The following CDH4 variants were observed in gnomAD, a reference collection of about 807,000 sequenced individuals.
CDH4 encodes cadherin-4.
CDH4 carries 33 observed loss-of-function variants against 86.0 expected under a neutral mutation model. The ratio of observed to expected loss-of-function variants is 0.38; its 90% CI spans 0.29 to 0.51. The LOEUF (loss-of-function observed/expected upper bound fraction) is 0.51, where lower values mean the gene tolerates loss of function less well. CDH4 is among the 20% of genes least tolerant of loss of function. CDH4 has a pLI of 0.86. For synonymous variants in CDH4, 555 were observed against 549.4 expected (o/e 1.01, Z -0.14); for missense variants, 1,114 against 1,307.4 (o/e 0.85, Z 2.28).
At chr20:61,523,879 C>G (rs993668625) in intron 2 of CDH4, among the ~76,000 whole-genome samples, 2 of 152,196 alleles carry the variant, frequency 1.3e-5, no homozygotes, top group Non-Finnish European at 2.9e-5. Flanking sequence ...TTAAAAATGG[C>G]TAAACAGTTT....
rs141987269 is a variant in CDH4 at position 61,321,640 on chromosome 20, G to C, written c.169+66703G>C. Among the ~76,000 whole-genome samples the C allele has an allele frequency of 6.0e-3, 909 of 152,258 alleles. 6 individuals carry two copies. Among genetic ancestry groups the C allele is most frequent in the African/African-American group, 0.021 (859 of 41,544 alleles). ...CGGTGAGCGGAGGACTTCCGGCTTC[G>C]TCAAATTCAGCCGTTGCCACTATTT... On this transcript the variant is annotated intron_variant, in intron 2 of 15. Coordinates refer to ENST00000614565, the MANE Select transcript of CDH4 (RefSeq NM_001794.5).
intron 2 of CDH4, among the ~76,000 whole-genome samples, chr20:61,499,162 A>G (rs2085682783): frequency 6.6e-6 from 1 of 152,212 alleles, no homozygotes; most frequent in Admixed American, 6.5e-5. Flanking sequence ...TGTGGAGGTC[A>G]GGCTGCCTGT....
In CDH4 at chr20:61,832,713, C is replaced by A. The variant is rs530326452; in HGVS notation, c.577-11955C>A. On this transcript the variant is annotated intron_variant, in intron 4 of 15. Coordinates refer to ENST00000614565, the MANE Select transcript of CDH4 (RefSeq NM_001794.5). Reference sequence around the variant, plus strand: ...ACTGCCCCCATGATCCATTCATCTCCCACCAGGTCTCCCTCTCAACACCTG... The same window carrying A: ...ACTGCCCCCATGATCCATTCATCTCACACCAGGTCTCCCTCTCAACACCTG... Among the ~76,000 whole-genome samples the A allele has an allele frequency of 3.5e-4, 53 of 152,198 alleles. 1 individual carries two copies. In the South Asian group the frequency reaches 0.011, roughly 31 times the overall value.
intron 3 of CDH4, among the ~76,000 whole-genome samples, chr20:61,760,503 C>A (rs558862692): frequency 1.3e-5 from 2 of 152,370 alleles, no homozygotes; most frequent in African/African-American, 4.8e-5. Context: ...TTCCAACTGG[C>A]CTCCAGAGGA....
chr20:61,381,670 C>A (rs6061583), intron 2 of CDH4, among the ~76,000 whole-genome samples: 37,432 of 151,934 alleles, frequency 0.25, 4,997 homozygotes, highest in African/African-American at 0.34. Context: ...CAGTTAACCC[C>A]CCCACCTAAG....
chr20:61,441,112 G>A (rs1261414400), intron 2 of CDH4, among the ~76,000 whole-genome samples: 2 of 152,162 alleles, frequency 1.3e-5, no homozygotes, highest in African/African-American at 2.4e-5. Flanking sequence ...AGTTCCAAGC[G>A]TGTGCTATGT....
intron 2 of CDH4, chr20:61,370,760 A>C (rs1192939611): frequency 6.6e-6 from 1 of 152,220 alleles, no homozygotes; most frequent in African/African-American, 2.4e-5. Context: ...TTGGATATTA[A>C]GCTTTTTAAT....
At chr20:61,497,917 T>G (rs1010737602) in intron 2 of CDH4, among the ~76,000 whole-genome samples, 10 of 151,928 alleles carry the variant, frequency 6.6e-5, no homozygotes, top group Admixed American at 2.6e-4. Context: ...GGGACATGGA[T>G]GAAGCTGGAA....
At chr20:61,917,289 C>T (rs2054913189) in intron 9 of CDH4, among the ~76,000 whole-genome samples, 1 of 152,244 alleles carries the variant, frequency 6.6e-6, no homozygotes, top group Non-Finnish European at 1.5e-5. Flanking sequence ...ATCATACCCT[C>T]CTCAGGGCCC....
intron 6 of CDH4, among the ~76,000 whole-genome samples, chr20:61,860,234 T>C (rs1266331565): frequency 6.6e-6 from 1 of 152,200 alleles, no homozygotes; most frequent in Non-Finnish European, 1.5e-5. Context: ...CTCAAACCTC[T>C]CTTAATAAAT....
In CDH4 at chr20:61,853,611, C is replaced by T. The variant is rs1600713056; in HGVS notation, c.877+713C>T. Among the ~76,000 whole-genome samples, 8 of 152,304 alleles carry T rather than the reference C, an allele frequency of 5.3e-5. No individual in the cohort carries two copies. In the South Asian group the frequency reaches 1.7e-3, roughly 32 times the overall value. ...ACTGCCAAGAAGTGGACGACCCCCA[C>T]CAGCAGTGAGGAGGCTCAGGCCGGG... On this transcript the variant is annotated intron_variant, in intron 6 of 15. Transcript: ENST00000614565.
intron 4 of CDH4, among the ~76,000 whole-genome samples, chr20:61,817,667 G>A (rs940887617): frequency 4.6e-5 from 7 of 152,232 alleles, no homozygotes; most frequent in South Asian, 2.1e-4. Context: ...GTGTCTGCGC[G>A]TTCATCTCTG....
intron 2 of CDH4, among the ~76,000 whole-genome samples, chr20:61,711,887 G>A (rs983417759): frequency 6.6e-6 from 1 of 152,150 alleles, no homozygotes; most frequent in African/African-American, 2.4e-5. Context: ...GGCCAGCCAT[G>A]GAGACATCTG....
In CDH4 at chr20:61,570,886, G is replaced by A. The variant is rs1156320186; in HGVS notation, c.170-172677G>A. On this transcript the variant is annotated intron_variant, in intron 2 of 15. Transcript: ENST00000614565. ...ATGTGTAGTGGCTGTTAAGAAGTTT[G>A]TCAGCTTCTCCTAAGAAAACGTCAG... 4.5e-6 allele frequency: 3 copies of A among 673,590 alleles called. No homozygotes were observed. In the African/African-American group the frequency reaches 5.3e-5, roughly 12 times the overall value. 41.7% of individuals were successfully genotyped at this position (673,590 alleles called of 1,614,324 possible). A position where few individuals can be genotyped will look rare whatever the true frequency, so the allele number is the denominator to read the frequency against.
At chr20:61,795,288 C>T (rs1979481670) in intron 4 of CDH4, among the ~76,000 whole-genome samples, 1 of 151,490 alleles carries the variant, frequency 6.6e-6, no homozygotes, top group Non-Finnish European at 1.5e-5. Context: ...CCATCACCTT[C>T]CCAGCAATCA....
At chr20:61,332,672 C>T (rs2084589104) in intron 2 of CDH4, among the ~76,000 whole-genome samples, 1 of 152,238 alleles carries the variant, frequency 6.6e-6, no homozygotes, top group Non-Finnish European at 1.5e-5. Context: ...AGTTTAGAGA[C>T]TTCTGGCTGG....
chr20:61,466,610 A>T (rs1444701335), intron 2 of CDH4, among the ~76,000 whole-genome samples: 1 of 152,132 alleles, frequency 6.6e-6, no homozygotes, highest in East Asian at 1.9e-4. Context: ...TTGGAAGGCC[A>T]TGGTGGGTGA....
intron 5 of CDH4, 72 bp downstream of exon 5, chr20:61,844,895 GC>G: frequency 2.0e-6 from 3 of 1,464,740 alleles, no homozygotes; most frequent in Non-Finnish European, 1.9e-6. Flanking sequence ...CTTGGCAGGT[GC>G]CCCCAGCAGG....
intron 2 of CDH4, among the ~76,000 whole-genome samples, chr20:61,290,406 C>G (rs1415409927): frequency 5.2e-5 from 5 of 95,900 alleles, no homozygotes; most frequent in Non-Finnish European, 4.1e-5. Flanking sequence ...GGTTTATCCC[C>G]GTATCCAATG....
Sources: gnomAD v4.1 joint callset for allele counts (sites outside exome capture counted in the v4.1 genomes callset) on GRCh38, gnomAD v4.1.1 for gene constraint, MANE v1.5 for transcripts, NCBI Gene and HGNC (gene_info 2026-07-23, HGNC 2026-07-21) for gene names.